The following GPR39 variants were observed in gnomAD, a reference collection of about 807,000 sequenced individuals.
GPR39 encodes G protein-coupled receptor 39, also known as zinc sensing receptor.
GPR39 carries 23 observed loss-of-function variants against 18.4 expected under a neutral mutation model. The observed-to-expected ratio is 1.25, with a 90% CI of 0.90 to 1.77. The LOEUF (loss-of-function observed/expected upper bound fraction) is 1.77. Among genes scored for constraint, GPR39 ranks in the 40% most tolerant of loss-of-function variants. The pLI is 0.00. For synonymous variants in GPR39, 280 were observed against 257.9 expected, an observed-to-expected ratio of 1.09 and a Z score of -0.82; for missense variants, 647 against 602.4, an observed-to-expected ratio of 1.07 and a Z score of -0.78.
chr2:132,630,322 G>T (rs138438966), intron 1 of GPR39, among the ~76,000 whole-genome samples: 1 of 152,308 alleles, frequency 6.6e-6, no homozygotes, highest in African/African-American at 2.4e-5. Flanking sequence ...CTTCAGCAGA[G>T]AAGTGAAACA....
intron 1 of GPR39, among the ~76,000 whole-genome samples, chr2:132,478,560 A>G (rs1202830431): frequency 2.6e-5 from 4 of 152,242 alleles, no homozygotes; most frequent in Non-Finnish European, 4.4e-5. Flanking sequence ...GCTACCTGTC[A>G]AAGACAGAAA....
chr2:132,448,145 A>G (rs1573606901), intron 1 of GPR39, among the ~76,000 whole-genome samples: 2 of 152,200 alleles, frequency 1.3e-5, no homozygotes, highest in African/African-American at 4.8e-5. Context: ...CTCTTGATGA[A>G]TTCTTTTTAT....
At chr2:132,498,071 G>C (rs1014061481) in intron 1 of GPR39, among the ~76,000 whole-genome samples, 3 of 152,186 alleles carry the variant, frequency 2.0e-5, no homozygotes, top group South Asian at 2.1e-4. Context: ...TTTAACTGAT[G>C]TATATTTTTT....
chr2:132,571,194 A>G (rs1284964254), intron 1 of GPR39, among the ~76,000 whole-genome samples: 1 of 152,222 alleles, frequency 6.6e-6, no homozygotes, highest in Non-Finnish European at 1.5e-5. Flanking sequence ...CTTAATGTCC[A>G]AATTAAAGCT....
At chr2:132,571,088 G>A (rs1680434619) in intron 1 of GPR39, among the ~76,000 whole-genome samples, 1 of 152,156 alleles carries the variant, frequency 6.6e-6, no homozygotes, top group Admixed American at 6.6e-5. Context: ...TATTAACTAG[G>A]TACTTTAAAT....
At chr2:132,636,068 G>T (rs1432717721) in intron 1 of GPR39, among the ~76,000 whole-genome samples, 1 of 152,172 alleles carries the variant, frequency 6.6e-6, no homozygotes, top group Non-Finnish European at 1.5e-5. Flanking sequence ...GAGTTGATGA[G>T]TACACCCCAT....
At position 132,475,412 on chromosome 2, in the gene GPR39, G is replaced by A. The variant is rs765101893; in HGVS notation, c.856+57514G>A. Reference sequence around the variant, plus strand: ...GGTAGTTGGGGGCAGATCTTGGGAAGAATAAATACCATTCTGCCATGCACC... The same window carrying A: ...GGTAGTTGGGGGCAGATCTTGGGAAAAATAAATACCATTCTGCCATGCACC... On this transcript the variant is annotated intron_variant, in intron 1 of 1. Transcript: ENST00000329321. Among the ~76,000 whole-genome samples the A allele has an allele frequency of 3.9e-5, 6 of 152,040 alleles. No homozygotes were observed. The East Asian group carries it at 7.7e-4, about 20-fold the overall frequency.
intron 1 of GPR39, among the ~76,000 whole-genome samples, chr2:132,584,085 G>T (rs1327275367): frequency 6.6e-6 from 1 of 152,080 alleles, no homozygotes; most frequent in Non-Finnish European, 1.5e-5. Flanking sequence ...GTGGGGTAGG[G>T]ATTTGAATTT....
chr2:132,601,194 A>G lies in GPR39; in HGVS notation c.857-43907A>G, dbSNP rs533017233. Among the ~76,000 whole-genome samples the G allele has an allele frequency of 1.2e-4, 19 of 152,330 alleles. 1 individual carries two copies. The South Asian group carries it at 3.7e-3, about 30-fold the overall frequency. ...CTCTAGGTGAATATTCTTGATGAAC[A>G]TAGAAGCAAAAATCCTCAACAAAAT... On this transcript the variant is annotated intron_variant, in intron 1 of 1. Coordinates refer to ENST00000329321, the MANE Select transcript of GPR39 (RefSeq NM_001508.3).
chr2:132,420,618 G>A (rs1159117244), intron 1 of GPR39, among the ~76,000 whole-genome samples: 6 of 152,078 alleles, frequency 3.9e-5, no homozygotes, highest in African/African-American at 1.4e-4. Flanking sequence ...TGTAAATGGC[G>A]ACATATCACA....
At chr2:132,566,235 T>C (rs1356575947) in intron 1 of GPR39, among the ~76,000 whole-genome samples, 1 of 147,818 alleles carries the variant, frequency 6.8e-6, no homozygotes, top group African/African-American at 2.5e-5. Context: ...TTCACCCACT[T>C]TTTGATGGGG....
chr2:132,437,449 G>T (rs1033524961), intron 1 of GPR39, among the ~76,000 whole-genome samples: 20 of 152,130 alleles, frequency 1.3e-4, no homozygotes, highest in African/African-American at 4.6e-4. Context: ...GGCTGGGGAG[G>T]GTCGTGGAGA....
At chr2:132,516,499 A>G (rs1183528067) in intron 1 of GPR39, among the ~76,000 whole-genome samples, 1 of 152,176 alleles carries the variant, frequency 6.6e-6, no homozygotes, top group Non-Finnish European at 1.5e-5. Context: ...GATAGCTGAC[A>G]TTTCCTATTC....
intron 1 of GPR39, among the ~76,000 whole-genome samples, chr2:132,569,789 T>G (rs1034904492): frequency 3.3e-5 from 5 of 151,698 alleles, no homozygotes; most frequent in Admixed American, 3.3e-4. Flanking sequence ...GGGTCAGGTC[T>G]TTCCTGTGCT....
chr2:132,553,500 T>C (rs1573663382), intron 1 of GPR39, among the ~76,000 whole-genome samples: 1 of 152,084 alleles, frequency 6.6e-6, no homozygotes, highest in East Asian at 1.9e-4. Context: ...CTACTACATG[T>C]CAAGTGCTAT....
chr2:132,488,146 C>T (rs891394402), intron 1 of GPR39, among the ~76,000 whole-genome samples: 3 of 152,130 alleles, frequency 2.0e-5, no homozygotes, highest in African/African-American at 7.2e-5. Flanking sequence ...GACTTACTTT[C>T]TTTCTGACAA....
intron 1 of GPR39, among the ~76,000 whole-genome samples, chr2:132,466,587 A>T (rs1008336315): frequency 2.0e-5 from 3 of 151,940 alleles, no homozygotes; most frequent in Non-Finnish European, 4.4e-5. Flanking sequence ...GGGTAAGTAC[A>T]AAGAGGGCAG....
chr2:132,423,566 G>C (rs1353438608), intron 1 of GPR39, among the ~76,000 whole-genome samples: 1 of 152,080 alleles, frequency 6.6e-6, no homozygotes, highest in Non-Finnish European at 1.5e-5. Context: ...CTGTGTATGG[G>C]TTGTTTCCTC....
chr2:132,529,046 G>A (rs978266127), intron 1 of GPR39, among the ~76,000 whole-genome samples: 2 of 152,188 alleles, frequency 1.3e-5, no homozygotes, highest in African/African-American at 2.4e-5. Flanking sequence ...AGCGCACTGT[G>A]CGTGAGCTGA....
Sources: allele counts gnomAD v4.1 joint callset (sites outside exome capture counted in the v4.1 genomes callset), GRCh38; gene constraint gnomAD v4.1.1; transcripts MANE v1.5; gene names NCBI Gene and HGNC (gene_info 2026-07-23, HGNC 2026-07-21).